ZNF212: variants seen among roughly 807,000 people sequenced by gnomAD.
ZNF212 encodes zinc finger protein 212, also known as Zinc finger protein C2H2-150.
ZNF212 carries 32 observed loss-of-function variants against 47.3 expected under a neutral mutation model. The observed-to-expected ratio is 0.68, with a 90% CI of 0.51 to 0.91. ZNF212 has a LOEUF of 0.91. Ranked by LOEUF, ZNF212 falls within the 40% of genes least tolerant of loss-of-function variation. The pLI, the probability that ZNF212 is intolerant of heterozygous loss-of-function variation, is 0.00. For synonymous variants in ZNF212, 242 were observed against 253.8 expected, an observed-to-expected ratio of 0.95 and a Z score of 0.44; for missense variants, 555 against 622.8, an observed-to-expected ratio of 0.89 and a Z score of 1.16.
At chr7:149,250,114 T>C (rs1248712159) in intron 1 of ZNF212, 45 bp from the exon 2 acceptor site, 2 of 1,468,528 alleles carry the variant, frequency 1.4e-6, no homozygotes, top group African/African-American at 2.8e-5. Flanking sequence ...CTTTCTTTAC[T>C]TGATGTTTGG....
rs775540385 is a variant in ZNF212 at position 149,250,200 on chromosome 7, A to G, written c.66A>G (p.Thr22=). 19 of 1,561,070 alleles carry G rather than the reference A, an allele frequency of 1.2e-5. No homozygotes were observed. Among genetic ancestry groups the G allele is most frequent in the Non-Finnish European group, 1.6e-5 (18 of 1,154,572 alleles). The change falls in exon 2 of 5, where the codon ACA becomes ACG. Residue 22 remains threonine, a synonymous_variant. Coordinates refer to ENST00000335870, the MANE Select transcript of ZNF212 (RefSeq NM_012256.4). ...KRRSTPLTSS[T]LPSQATEKSS... is the part of the protein sequence containing the mutation. The stretch of plus-strand genomic sequence containing the variant: ...GCTCCACACCTTTAACTTCTTCCAC[A>G]CTTCCTTCACAAGCAACAGAGAAAA...
Position 149,251,068 on chromosome 7 carries a change from T to TC in ZNF212, c.541+263dup, listed in dbSNP as rs111538882. 8.2e-3 allele frequency: 2,693 copies of TC among 328,478 alleles called. 1 individual carries two copies. The highest frequency in any genetic ancestry group is 0.019 in the East Asian group (306 of 16,014). 20.3% of individuals were successfully genotyped at this position (328,478 alleles called of 1,614,324 possible). On this transcript the variant is annotated intron_variant, in intron 3 of 4. Coordinates refer to ENST00000335870, the MANE Select transcript of ZNF212 (RefSeq NM_012256.4). ...GCCTTTTGTGTTTTTTTTTTTTTTT[T>TC]CCTGTGGTCACATAGTCTGTTCTTG...
In ZNF212 at chr7:149,244,096, C is replaced by T. The variant is rs187031183; in HGVS notation, c.24+4294C>T. Among the ~76,000 whole-genome samples, 1,324 of 152,128 alleles carry T rather than the reference C, an allele frequency of 8.7e-3. 10 individuals carry two copies. Among genetic ancestry groups the T allele is most frequent in the Non-Finnish European group, 0.013 (916 of 67,986 alleles). On this transcript the variant is annotated intron_variant, in intron 1 of 4. Coordinates refer to ENST00000335870, the MANE Select transcript of ZNF212 (RefSeq NM_012256.4). ...GATTACAGTCATGTGCCACCACACC[C>T]GGCTAATTTTGTATTTTTAGTAGAG...
At chr7:149,246,485 C>T (rs1191923435) in intron 1 of ZNF212, among the ~76,000 whole-genome samples, 1 of 151,856 alleles carries the variant, frequency 6.6e-6, no homozygotes, top group Non-Finnish European at 1.5e-5. Context: ...TGGGTTCACA[C>T]CATTCTCTCG....
intron 1 of ZNF212, among the ~76,000 whole-genome samples, chr7:149,243,370 G>A (rs925963653): frequency 1.1e-4 from 15 of 138,502 alleles, no homozygotes; most frequent in Non-Finnish European, 2.1e-4. Flanking sequence ...GGAGGCAAAG[G>A]TTGCAGTGAG....
Position 149,250,368 on chromosome 7 carries a change from C to T in ZNF212, c.234C>T (p.Asp78=), listed in dbSNP as rs145135892. The T allele has an allele frequency of 9.3e-6, 15 of 1,614,090 alleles. No individual in the cohort carries two copies. The highest frequency in any genetic ancestry group is 2.7e-5 in the African/African-American group (2 of 74,918). ...RTGTAEKKLA[D]CEKMAVEFGN... ...GGACAGCCGAGAAGAAGCTGGCTGA[C>T]TGCGAGAAGATGGCCGTGGAGTTCG... The change falls in exon 2 of 5, where the codon GAC becomes GAT. Residue 78 remains aspartate (D), a synonymous_variant. Transcript: ENST00000335870.
chr7:149,254,366 A>G lies in ZNF212; in HGVS notation c.1439A>G (p.Glu480Gly). 6.2e-7 allele frequency: 1 copy of G among 1,609,162 alleles called. No homozygotes were observed. Among genetic ancestry groups the G allele is most frequent in the Non-Finnish European group, 8.5e-7 (1 of 1,179,952 alleles). ...LLQHQKIHQR[E>G]RGGLALEPGR... Reference sequence around the variant, plus strand: ...CAGCACCAGAAGATCCACCAGCGGGAGCGGGGTGGGCTGGCCCTGGAGCCC... The same window carrying G: ...CAGCACCAGAAGATCCACCAGCGGGGGCGGGGTGGGCTGGCCCTGGAGCCC... The change falls in exon 5 of 5, where the codon GAG becomes GGG. Residue 480 changes from glutamate (E) to glycine (G), a missense_variant. Physicochemically the swap from Glu to Gly is moderately conservative, Grantham distance 98. Transcript: ENST00000335870. This position sits in a 1 kb window ranked among gnomAD's most constrained non-coding sequence, Gnocchi z 4.5.
rs778158467 is a variant in ZNF212, at chr7:149,254,329, C to T, written c.1402C>T (p.Gln468Ter). The T allele has an allele frequency of 6.2e-7, 1 of 1,613,298 alleles. No homozygotes were observed. Among genetic ancestry groups the T allele is most frequent in the Non-Finnish European group, 8.5e-7 (1 of 1,180,042 alleles). ...GTGTGAGAAGAGCTTTGTCCAGAAG[C>T]AGCACCTCCTGCAGCACCAGAAGAT... is the stretch of plus-strand genomic sequence containing the variant. ...TECEKSFVQKQHLLQHQKIHQ... is the reference protein window; with the variant it reads ...TECEKSFVQK Residue 468 changes from glutamine (Q) to a stop codon, truncating the protein, a stop_gained, in exon 5 of 5, where the codon CAG becomes TAG. Transcript: ENST00000335870. LOFTEE classifies it high-confidence loss of function. This position sits in a 1 kb window ranked among gnomAD's most constrained non-coding sequence, Gnocchi z 4.5.
intron 3 of ZNF212, among the ~76,000 whole-genome samples, chr7:149,251,981 A>G (rs1437244248): frequency 2.0e-5 from 3 of 148,812 alleles, no homozygotes; most frequent in Admixed American, 6.7e-5. Context: ...TGATAACCCT[A>G]TGTTACCTTG....
At chr7:149,247,986 A>G (rs935414476) in intron 1 of ZNF212, among the ~76,000 whole-genome samples, 9 of 152,204 alleles carry the variant, frequency 5.9e-5, no homozygotes, top group Non-Finnish European at 1.0e-4. Flanking sequence ...AGGTGTGTGT[A>G]GAGATCACAT....
intron 1 of ZNF212, among the ~76,000 whole-genome samples, chr7:149,249,622 CTTCT>C (rs1404898252): frequency 6.6e-6 from 1 of 151,642 alleles, no homozygotes; most frequent in African/African-American, 2.4e-5. Context: ...ATTCAAACAG[CTTCT>C]TTCTTTCTTT....
intron 3 of ZNF212, chr7:149,251,413 G>C (rs1796755350): frequency 6.5e-6 from 1 of 153,202 alleles, no homozygotes; most frequent in Non-Finnish European, 1.4e-5. Flanking sequence ...TTGAACTCCT[G>C]ACCTCGTGAT....
At chr7:149,252,580 C>G in intron 3 of ZNF212, 126 bp from the exon 4 acceptor site, 1 of 838,946 alleles carries the variant, frequency 1.2e-6, no homozygotes, top group Non-Finnish European at 1.9e-6. Flanking sequence ...GGGAAACTGA[C>G]AAGAACAGTA....
In ZNF212 at chr7:149,255,367, A is replaced by G. The variant is rs1052278771; in HGVS notation, c.*952A>G. ...CCAGTGGTTATTTGAGTTTGTTCCT[A>G]TTACACCAATCCTTACTTGAGGTGG... On this transcript the variant is annotated 3_prime_UTR_variant, in exon 5 of 5. Coordinates refer to ENST00000335870, the MANE Select transcript of ZNF212 (RefSeq NM_012256.4). The G allele has an allele frequency of 2.6e-5, 4 of 153,664 alleles. No homozygotes were observed. Among genetic ancestry groups the G allele is most frequent in the Admixed American group, 6.6e-5 (1 of 15,262 alleles). 9.5% of individuals were successfully genotyped at this position (153,664 alleles called of 1,614,324 possible). A position where few individuals can be genotyped will look rare whatever the true frequency, so the allele number is the denominator to read the frequency against.
In ZNF212 at chr7:149,250,518, G is replaced by C. The variant is rs879166734; in HGVS notation, c.384G>C (p.Leu128=). ...ACAGGAACTTCTGGATCCTGCGGCT[G>C]CCCCCGGGCAGCAAGGGGGAGGCCC... The part of the protein sequence containing the change: ...LRNRNFWILR[L]PPGSKGEAPK... The change falls in exon 2 of 5, where the codon CTG becomes CTC. Residue 128 remains leucine, a synonymous_variant. Transcript: ENST00000335870. 4 of 1,613,392 alleles carry C rather than the reference G, an allele frequency of 2.5e-6. No individual in the cohort carries two copies. In the South Asian group the frequency reaches 4.4e-5, roughly 18 times the overall value.
Position 149,250,763 on chromosome 7 carries a change from A to G in ZNF212, c.497A>G (p.Tyr166Cys), listed in dbSNP as rs767476909. 3 of 1,614,122 alleles carry G rather than the reference A, an allele frequency of 1.9e-6. No homozygotes were observed. Among genetic ancestry groups the G allele is most frequent in the Non-Finnish European group, 1.7e-6 (2 of 1,180,050 alleles). The change falls in exon 3 of 5, where the codon TAC (tyrosine) becomes TGC (cysteine). Residue 166 changes from tyrosine to cysteine, a missense_variant. Tyr to Cys is a radical substitution (Grantham distance 194, BLOSUM62 -2). Transcript: ENST00000335870. ...CTGGAGGATTGGCAGAAGGAGCTCT[A>G]CAGAAACGTGATGGAGAGTAACTAT... ...ENLEDWQKEL[Y>C]RNVMESNYET... is the part of the protein sequence containing the mutation.
In ZNF212 at chr7:149,252,643, C is replaced by G. The variant is rs1392572384; in HGVS notation, c.542-63C>G. 8 of 1,487,834 alleles carry G rather than the reference C, an allele frequency of 5.4e-6. No homozygotes were observed. In the Admixed American group the frequency reaches 1.4e-4, roughly 26 times the overall value. 92.2% of individuals were successfully genotyped at this position (1,487,834 alleles called of 1,614,324 possible). A position where few individuals can be genotyped will look rare whatever the true frequency, so the allele number is the denominator to read the frequency against. ...CATTGGTCATCTTGGTCACTGGCAG[C>G]TGATCAGTGTGCAGTGAGCTTTCAC... On this transcript the variant is annotated intron_variant, in intron 3 of 4. Coordinates refer to ENST00000335870, the MANE Select transcript of ZNF212 (RefSeq NM_012256.4).
chr7:149,247,617 T>C (rs1404048378), intron 1 of ZNF212, among the ~76,000 whole-genome samples: 1 of 152,208 alleles, frequency 6.6e-6, no homozygotes, highest in Non-Finnish European at 1.5e-5. Context: ...TTCCTAGGGC[T>C]GGTGTAACAA....
At chr7:149,247,744 G>A (rs771350280) in intron 1 of ZNF212, among the ~76,000 whole-genome samples, 1 of 152,118 alleles carries the variant, frequency 6.6e-6, no homozygotes, top group Non-Finnish European at 1.5e-5. Context: ...CCTAGCTTCT[G>A]GTGGTCCCAT....
Sources: gnomAD v4.1 joint callset for allele counts (sites outside exome capture counted in the v4.1 genomes callset) on GRCh38, gnomAD v4.1.1 for gene constraint, Gnocchi (gnomAD v3.1) non-coding constraint, MANE v1.5 for transcripts, NCBI Gene and HGNC (gene_info 2026-07-23, HGNC 2026-07-21) for gene names.